PPP1R12B: variants seen among roughly 807,000 people sequenced by gnomAD.
PPP1R12B encodes protein phosphatase 1 regulatory subunit 12B.
A neutral mutation model predicts 126.1 loss-of-function variants in PPP1R12B; 76 were observed. The observed-to-expected ratio is 0.60, with a 90% confidence interval of 0.50 to 0.73. PPP1R12B has a LOEUF of 0.73. PPP1R12B is among the 30% of genes least tolerant of loss of function. The probability of loss-of-function intolerance (pLI) is 0.00; values close to 1 mark genes in which losing one functional copy is unlikely to be tolerated. For synonymous variants in PPP1R12B, 356 were observed against 434.7 expected (o/e 0.82, Z 2.25); for missense variants, 1,052 against 1,205.1 (o/e 0.87, Z 1.88).
chr1:202,405,244 A>G (rs755955913), intron 1 of PPP1R12B, among the ~76,000 whole-genome samples: 5 of 152,080 alleles, frequency 3.3e-5, no homozygotes, highest in South Asian at 4.2e-4. Context: ...AAGCCCCTCA[A>G]CTTCCTTTAC....
chr1:202,567,526 TTTC>T, intron 21 of PPP1R12B: 1 of 483,208 alleles, frequency 2.1e-6, no homozygotes, highest in South Asian at 3.4e-5. Context: ...TTGTAAGTAA[TTTC>T]TTTGTAATTT....
At chr1:202,428,770 G>T in intron 5 of PPP1R12B, 85 bp from the exon 6 acceptor site, 1 of 1,296,266 alleles carries the variant, frequency 7.7e-7, no homozygotes, top group South Asian at 1.4e-5. Flanking sequence ...GGCAAAAAGT[G>T]ACTTTTGAAT....
intron 1 of PPP1R12B, among the ~76,000 whole-genome samples, chr1:202,358,551 A>T (rs1207799775): frequency 1.3e-5 from 2 of 152,096 alleles, no homozygotes; most frequent in African/African-American, 4.8e-5. Flanking sequence ...GCGTGGTCGC[A>T]CGCGCCTGTT....
intron 18 of PPP1R12B, among the ~76,000 whole-genome samples, chr1:202,525,396 T>G (rs1430801626): frequency 6.6e-6 from 1 of 150,544 alleles, no homozygotes; most frequent in Non-Finnish European, 1.5e-5. Context: ...AAAAAAAAAA[T>G]GTATCATGAA....
intron 23 of PPP1R12B, chr1:202,574,954 C>T (rs942742843): frequency 1.4e-5 from 22 of 1,517,582 alleles, no homozygotes; most frequent in Non-Finnish European, 1.9e-5. Context: ...TCTGTCTTGT[C>T]TCTCTCTGTC....
chr1:202,574,318 T>A (rs965272759), intron 23 of PPP1R12B, among the ~76,000 whole-genome samples: 2 of 152,134 alleles, frequency 1.3e-5, no homozygotes, highest in Non-Finnish European at 2.9e-5. Flanking sequence ...GAGACCAGCT[T>A]GGGCTACATA....
At chr1:202,494,202 GT>G (rs1029492605) in intron 15 of PPP1R12B, among the ~76,000 whole-genome samples, 39 of 152,200 alleles carry the variant, frequency 2.6e-4, no homozygotes, top group African/African-American at 8.4e-4. Context: ...TTTGTATTTT[GT>G]TTTATAAGCT....
chr1:202,533,510 G>A (rs1163759421), intron 18 of PPP1R12B, among the ~76,000 whole-genome samples: 2 of 152,000 alleles, frequency 1.3e-5, no homozygotes, highest in African/African-American at 4.8e-5. Flanking sequence ...GTAGAGACGG[G>A]GTTTTATGAC....
chr1:202,385,114 A>G lies in PPP1R12B; in HGVS notation c.292-31673A>G, dbSNP rs190861723. ...CAAAATATCAAGGCCCAAGTGATGT[A>G]TTGGTTTATATTTGGGGTTTGTGCA... On this transcript the variant is annotated intron_variant, in intron 1 of 23. Coordinates refer to ENST00000608999, the MANE Select transcript of PPP1R12B (RefSeq NM_002481.4). Among the ~76,000 whole-genome samples the G allele has an allele frequency of 6.7e-3, 1,024 of 152,280 alleles. 12 individuals carry two copies. The highest frequency in any genetic ancestry group is 8.6e-3 in the Non-Finnish European group (587 of 68,016).
chr1:202,558,783 T>C lies in PPP1R12B; in HGVS notation c.2491-94T>C, dbSNP rs533181028. ...TCAGCCATCTGATTTGAAAAGTGCA[T>C]TTATAGATGGAAATAATACAAATCA... On this transcript the variant is annotated intron_variant, in intron 18 of 23. Coordinates refer to ENST00000608999, the MANE Select transcript of PPP1R12B (RefSeq NM_002481.4). The C allele has an allele frequency of 2.0e-5, 17 of 837,628 alleles. No individual in the cohort carries two copies. In the African/African-American group the frequency reaches 2.8e-4, roughly 14 times the overall value. The allele number at this position is 837,628 out of a possible 1,614,324, so 51.9% of individuals were successfully genotyped here. A position where few individuals can be genotyped will look rare whatever the true frequency, so the allele number is the denominator to read the frequency against.
intron 1 of PPP1R12B, among the ~76,000 whole-genome samples, chr1:202,351,858 C>G (rs1656073916): frequency 6.6e-6 from 1 of 152,196 alleles, no homozygotes; most frequent in Non-Finnish European, 1.5e-5. Flanking sequence ...AGATGATTTG[C>G]ACTGCAGCTT....
intron 18 of PPP1R12B, among the ~76,000 whole-genome samples, chr1:202,527,121 A>C (rs2148929156): frequency 6.6e-6 from 1 of 150,900 alleles, no homozygotes; most frequent in Middle Eastern, 3.4e-3. Flanking sequence ...TAGCAGTAGA[A>C]ATAGTGTTAA....
At chr1:202,379,265 A>G (rs933037862) in intron 1 of PPP1R12B, among the ~76,000 whole-genome samples, 1 of 152,210 alleles carries the variant, frequency 6.6e-6, no homozygotes, top group Non-Finnish European at 1.5e-5. Context: ...TCAGCCACTC[A>G]GTCATTTAAG....
chr1:202,570,804 C>G (rs1489631943), intron 23 of PPP1R12B, among the ~76,000 whole-genome samples: 1 of 152,194 alleles, frequency 6.6e-6, no homozygotes, highest in African/African-American at 2.4e-5. Flanking sequence ...ACTACAGGCA[C>G]GTGCCGCCAC....
At chr1:202,488,252 T>G (rs989069362) in intron 13 of PPP1R12B, among the ~76,000 whole-genome samples, 1 of 152,226 alleles carries the variant, frequency 6.6e-6, no homozygotes, top group Non-Finnish European at 1.5e-5. Flanking sequence ...TGAAAATGTA[T>G]GAATTGTTTA....
Position 202,387,154 on chromosome 1 carries a change from A to G in PPP1R12B, c.292-29633A>G, listed in dbSNP as rs151196325. On this transcript the variant is annotated intron_variant, in intron 1 of 23. Coordinates refer to ENST00000608999, the MANE Select transcript of PPP1R12B (RefSeq NM_002481.4). Reference sequence around the variant, plus strand: ...AATGACTTTGCTCTTGGCCTTTACTATAGCCTTTGAAAACAAAGTATTAAC... The same window carrying G: ...AATGACTTTGCTCTTGGCCTTTACTGTAGCCTTTGAAAACAAAGTATTAAC... 6.2e-4 allele frequency among the ~76,000 whole-genome samples: 95 copies of G among 152,308 alleles called. No homozygotes were observed. In the South Asian group the frequency reaches 0.011, roughly 18 times the overall value.
chr1:202,531,392 A>G (rs760884651), intron 18 of PPP1R12B, among the ~76,000 whole-genome samples: 1 of 152,158 alleles, frequency 6.6e-6, no homozygotes, highest in African/African-American at 2.4e-5. Flanking sequence ...ATTTTTTAAC[A>G]GTATGGAGAT....
chr1:202,452,307 G>A (rs1673088070), intron 13 of PPP1R12B, among the ~76,000 whole-genome samples: 1 of 152,226 alleles, frequency 6.6e-6, no homozygotes, highest in Non-Finnish European at 1.5e-5. Flanking sequence ...CGGCACCTCG[G>A]GAGGCCAAGG....
In PPP1R12B at chr1:202,508,272, T is replaced by C. The variant is rs746477903; in HGVS notation, c.2490+11450T>C. ...ACCTAGTATGATCCTTTAAGGTACA[T>C]AAATGTTCACACAGATGTGCCTTCA... On this transcript the variant is annotated intron_variant, in intron 18 of 23. Coordinates refer to ENST00000608999, the MANE Select transcript of PPP1R12B (RefSeq NM_002481.4). This position sits in a 1 kb window ranked among gnomAD's most constrained non-coding sequence, Gnocchi z 4.5. Among the ~76,000 whole-genome samples, 35 of 152,344 alleles carry C rather than the reference T, an allele frequency of 2.3e-4. No homozygotes were observed. The highest frequency in any genetic ancestry group is 3.7e-4 in the Non-Finnish European group (25 of 68,022).
Sources: gnomAD v4.1 joint callset for allele counts (sites outside exome capture counted in the v4.1 genomes callset) on GRCh38, gnomAD v4.1.1 for gene constraint, Gnocchi (gnomAD v3.1) non-coding constraint, MANE v1.5 for transcripts, NCBI Gene and HGNC (gene_info 2026-07-23, HGNC 2026-07-21) for gene names.